MGRN1: variants seen among roughly 807,000 people sequenced by gnomAD.
The protein encoded by MGRN1 is E3 ubiquitin-protein ligase MGRN1.
In MGRN1, 29 loss-of-function variants were observed where a neutral mutation model predicts 69.2. The observed-to-expected ratio is 0.42, with a 90% CI of 0.31 to 0.57. The LOEUF (loss-of-function observed/expected upper bound fraction) is 0.57. Among genes scored for constraint, MGRN1 ranks in the 20% least tolerant of loss-of-function variants. The pLI, the probability that MGRN1 is intolerant of heterozygous loss-of-function variation, is 0.15. For synonymous variants in MGRN1, 470 were observed against 344.2 expected (o/e 1.37, Z -4.04); for missense variants, 998 against 796.2 (o/e 1.25, Z -3.05).
chr16:4,644,835 G>C (rs919661707), intron 1 of MGRN1, among the ~76,000 whole-genome samples: 5 of 152,068 alleles, frequency 3.3e-5, no homozygotes, highest in African/African-American at 1.2e-4. Context: ...GTACAAGTCA[G>C]TGATTTTTGG....
rs367598108 is a variant in MGRN1, at chr16:4,673,506, C to G, written c.804C>G (p.Asp268Glu). Residue 268 changes from aspartate (D) to glutamate (E), a missense_variant, in exon 10 of 17, where the codon GAC becomes GAG. By Grantham distance (45) the Asp-to-Glu change is conservative (BLOSUM62 2). Transcript: ENST00000262370. ...NKNNQETKPS[D>E]DENSDNSNEC... ...AGCCCTTGTCCCGGCAGCCCTCGGA[C>G]GACGAGAACAGCGACAACAGCAACG... is the stretch of plus-strand genomic sequence containing the variant. 1.7e-5 allele frequency: 28 copies of G among 1,612,468 alleles called. 1 individual carries two copies. The Admixed American group carries it at 2.0e-4, about 12-fold the overall frequency.
At chr16:4,674,803 G>A (rs1171508541) in intron 10 of MGRN1, among the ~76,000 whole-genome samples, 1 of 148,466 alleles carries the variant, frequency 6.7e-6, no homozygotes, top group African/African-American at 2.5e-5. Context: ...ACCGCGCCCG[G>A]CTAATTTTTT....
intron 9 of MGRN1, among the ~76,000 whole-genome samples, chr16:4,671,783 C>G (rs2078942768): frequency 6.6e-6 from 1 of 152,334 alleles, no homozygotes; most frequent in South Asian, 2.1e-4. Context: ...CCAGAGACAG[C>G]ACGTCCCTGC....
intron 16 of MGRN1, chr16:4,687,336 C>T: frequency 1.0e-6 from 1 of 966,698 alleles, no homozygotes; most frequent in South Asian, 4.8e-5. Flanking sequence ...ATCACTTGAG[C>T]CCAGGAATTC....
Position 4,689,019 on chromosome 16 carries a change from C to T in MGRN1, c.*111C>T. 2.2e-6 allele frequency: 3 copies of T among 1,391,532 alleles called. No individual in the cohort carries two copies. The highest frequency in any genetic ancestry group is 2.8e-6 in the Non-Finnish European group (3 of 1,056,376). 86.2% of individuals were successfully genotyped at this position (1,391,532 alleles called of 1,614,324 possible). On this transcript the variant is annotated 3_prime_UTR_variant, in exon 17 of 17. Transcript: ENST00000262370. Reference sequence around the variant, plus strand: ...CCTGTCTGCATGCCCCCTGTGGCCACCAGGCTCCGAGGGGCCGTGGTGACT... The same window carrying T: ...CCTGTCTGCATGCCCCCTGTGGCCATCAGGCTCCGAGGGGCCGTGGTGACT...
chr16:4,683,074 T>G, intron 14 of MGRN1, 128 bp downstream of exon 14: 1 of 1,484,570 alleles, frequency 6.7e-7, no homozygotes, highest in Non-Finnish European at 9.1e-7. Context: ...CTTGCTGAGC[T>G]GCGCGGCTCC....
rs1328875689 is a variant in MGRN1, at chr16:4,690,244, C to T, written c.*1336C>T. 6.6e-6 allele frequency: 1 copy of T among 152,246 alleles called. No homozygotes were observed. Among genetic ancestry groups the T allele is most frequent in the Non-Finnish European group, 1.5e-5 (1 of 68,120 alleles). 9.4% of individuals were successfully genotyped at this position (152,246 alleles called of 1,614,324 possible). On this transcript the variant is annotated 3_prime_UTR_variant, in exon 17 of 17. Transcript: ENST00000262370. ...GTTTGTTTTTTTAAAGGTAAACCTC[C>T]TGGGCCGCAGATGGCAAAGGGAGTG...
Position 4,673,600 on chromosome 16 carries a change from A to T in MGRN1, c.898A>T (p.Thr300Ser), listed in dbSNP as rs1050442999. The change falls in exon 10 of 17, where the codon ACC (threonine) becomes TCC (serine). Residue 300 changes from threonine (T) to serine (S), a missense_variant. Transcript: ENST00000262370. ...GCCCTGCCGCCACCTGTGCCTCTGT[A>T]CCTCCTGCGCCGACACGCTGCGCTA... ...ILPCRHLCLC[T>S]SCADTLRYQA... The T allele has an allele frequency of 6.2e-7, 1 of 1,613,344 alleles. No individual in the cohort carries two copies. The highest frequency in any genetic ancestry group is 1.7e-5 in the Admixed American group (1 of 59,974).
At chr16:4,645,174 G>A (rs1318470412) in intron 1 of MGRN1, among the ~76,000 whole-genome samples, 1 of 149,850 alleles carries the variant, frequency 6.7e-6, no homozygotes, top group African/African-American at 2.5e-5. Flanking sequence ...GGGGGGACGG[G>A]AAGAGAGACA....
At chr16:4,663,279 G>C (rs1462135431) in intron 5 of MGRN1, among the ~76,000 whole-genome samples, 1 of 151,196 alleles carries the variant, frequency 6.6e-6, no homozygotes, top group Non-Finnish European at 1.5e-5. Flanking sequence ...GGCCAGGCTG[G>C]TCTCAAACTG....
intron 1 of MGRN1, among the ~76,000 whole-genome samples, chr16:4,632,385 GT>G (rs911217463): frequency 1.3e-5 from 2 of 150,488 alleles, no homozygotes; most frequent in Admixed American, 6.6e-5. Context: ...TAGTCCAGTG[GT>G]TTTTTTTGTT....
chr16:4,661,767 C>A (rs1324805262), intron 5 of MGRN1, among the ~76,000 whole-genome samples: 2 of 152,244 alleles, frequency 1.3e-5, no homozygotes, highest in Non-Finnish European at 2.9e-5. Context: ...TGGCTGGAAC[C>A]CCTGACCCTT....
chr16:4,658,675 C>T (rs911853298), intron 5 of MGRN1, among the ~76,000 whole-genome samples: 1 of 151,772 alleles, frequency 6.6e-6, no homozygotes. Context: ...TGACGTTTAG[C>T]CACTCTCTGT....
At chr16:4,686,284 T>A (rs1455139394) in intron 16 of MGRN1, 1 of 1,545,046 alleles carries the variant, frequency 6.5e-7, no homozygotes, top group East Asian at 2.4e-5. Context: ...CCTGCTCTGT[T>A]GGTATAGACG....
chr16:4,647,243 C>T (rs866222414), intron 1 of MGRN1, among the ~76,000 whole-genome samples: 16 of 152,356 alleles, frequency 1.1e-4, no homozygotes, highest in Admixed American at 2.6e-4. Context: ...GGCCCTGTCT[C>T]AGCCCTGCTC....
intron 5 of MGRN1, among the ~76,000 whole-genome samples, chr16:4,657,588 C>T (rs964389411): frequency 6.6e-6 from 1 of 152,164 alleles, no homozygotes; most frequent in African/African-American, 2.4e-5. Context: ...CAGGCAGCCG[C>T]ACTCGGAGGC....
chr16:4,633,127 C>G (rs1444087663), intron 1 of MGRN1, among the ~76,000 whole-genome samples: 1 of 151,904 alleles, frequency 6.6e-6, no homozygotes, highest in African/African-American at 2.4e-5. Context: ...GTGGCTCACA[C>G]CTGTAATCCT....
rs569264537 is a variant in MGRN1 at position 4,660,648 on chromosome 16, T to C, written c.561+3285T>C. ...CTCCAGAAAGCTCTGCCTCCCCCGT[T>C]TGGCTCCATCACCTAAAGGAGTGGC... is the stretch of plus-strand genomic sequence containing the variant. On this transcript the variant is annotated intron_variant, in intron 5 of 16. Coordinates refer to ENST00000262370, the MANE Select transcript of MGRN1 (RefSeq NM_015246.4). Among the ~76,000 whole-genome samples the C allele has an allele frequency of 1.2e-3, 181 of 152,334 alleles. 1 individual carries two copies. Among genetic ancestry groups the C allele is most frequent in the African/African-American group, 4.0e-3 (167 of 41,582 alleles).
Position 4,673,782 on chromosome 16 carries a change from C to A in MGRN1, c.955+125C>A, listed in dbSNP as rs1304654810. ...CTAAGAAAGAAGAGTTGTCATTCAT[C>A]TAGTCTGTGCTGAACGTGGGCGTGT... On this transcript the variant is annotated intron_variant, in intron 10 of 16. Transcript: ENST00000262370. 6 of 1,245,900 alleles carry A rather than the reference C, an allele frequency of 4.8e-6. No individual in the cohort carries two copies. The East Asian group carries it at 1.5e-4, about 32-fold the overall frequency. 77.2% of individuals were successfully genotyped at this position (1,245,900 alleles called of 1,614,324 possible).
Sources: gnomAD v4.1 joint callset for allele counts (sites outside exome capture counted in the v4.1 genomes callset) on GRCh38, gnomAD v4.1.1 for gene constraint, MANE v1.5 for transcripts, NCBI Gene and HGNC (gene_info 2026-07-23, HGNC 2026-07-21) for gene names.